The following NAALADL2 variants were observed in gnomAD, a reference collection of about 807,000 sequenced individuals.
NAALADL2 encodes inactive N-acetylated-alpha-linked acidic dipeptidase-like protein 2.
In NAALADL2, 76 loss-of-function variants were observed where a neutral mutation model predicts 87.2. That is an observed-to-expected ratio of 0.87 (90% CI 0.72 to 1.05). NAALADL2 has a LOEUF of 1.05. Among genes scored for constraint, NAALADL2 ranks in the 50% least tolerant of loss-of-function variants. The pLI is 0.00. For missense variants in NAALADL2, 1,089 were observed against 945.8 expected (o/e 1.15, Z -1.99); for synonymous variants, 354 against 331.0 (o/e 1.07, Z -0.75).
intron 10 of NAALADL2, among the ~76,000 whole-genome samples, chr3:175,599,341 A>G (rs1191534460): frequency 6.6e-6 from 1 of 152,118 alleles, no homozygotes; most frequent in African/African-American, 2.4e-5. Flanking sequence ...TAATAATAAT[A>G]GCTAACATTT....
rs1447814459 is a variant in NAALADL2 at position 175,806,262 on chromosome 3, G to C, written c.*3059G>C. The C allele has an allele frequency of 6.6e-6, 1 of 151,728 alleles. No homozygotes were observed. Among genetic ancestry groups the C allele is most frequent in the Non-Finnish European group, 1.5e-5 (1 of 67,854 alleles). The allele number at this position is 151,728 out of a possible 1,614,324, so 9.4% of individuals were successfully genotyped here. ...AAGACTGGGTACTTGAGAGAAAGTG[G>C]GGAGAATCCTTACAGAACACCAGAA... On this transcript the variant is annotated 3_prime_UTR_variant, in exon 14 of 14. Transcript: ENST00000454872.
chr3:174,618,003 T>C (rs1286037741), intron 2 of NAALADL2, among the ~76,000 whole-genome samples: 1 of 151,762 alleles, frequency 6.6e-6, no homozygotes, highest in Non-Finnish European at 1.5e-5. Flanking sequence ...TCTTAAATTG[T>C]AGAAGGAAGA....
chr3:175,785,059 G>T (rs1751731059), intron 13 of NAALADL2, among the ~76,000 whole-genome samples: 1 of 151,118 alleles, frequency 6.6e-6, no homozygotes. Context: ...TTGCACTGTG[G>T]TCTGAGAGAT....
rs1738237834 is a variant in NAALADL2, at chr3:175,191,717, G to T, written c.546-42214G>T. ...GCATTTTGGTTTTATTTTATAGCAA[G>T]CATAGTTTTGGGGAGATAATGTGTA... is the stretch of plus-strand genomic sequence containing the variant. On this transcript the variant is annotated intron_variant, in intron 2 of 13. Transcript: ENST00000454872. 2.6e-5 allele frequency among the ~76,000 whole-genome samples: 4 copies of T among 152,316 alleles called. 1 individual carries two copies. In the South Asian group the frequency reaches 8.3e-4, roughly 32 times the overall value.
chr3:175,629,174 CACAT>C (rs1376542607), intron 11 of NAALADL2, among the ~76,000 whole-genome samples: 2 of 148,006 alleles, frequency 1.4e-5, no homozygotes, highest in Non-Finnish European at 3.0e-5. Context: ...CATATATACA[CACAT>C]ACACACATAA....
intron 4 of NAALADL2, among the ~76,000 whole-genome samples, chr3:175,310,072 G>C (rs1198458485): frequency 1.3e-5 from 2 of 152,156 alleles, no homozygotes; most frequent in Non-Finnish European, 2.9e-5. Flanking sequence ...CTTGCAAGCA[G>C]TGTAAGATTT....
At chr3:174,575,894 T>A (rs2108546857) in intron 2 of NAALADL2, among the ~76,000 whole-genome samples, 1 of 152,286 alleles carries the variant, frequency 6.6e-6, no homozygotes, top group South Asian at 2.1e-4. Context: ...GATGTAATTT[T>A]GCTCTTGTTG....
chr3:175,496,255 T>G (rs1165968893), intron 9 of NAALADL2, among the ~76,000 whole-genome samples: 1 of 152,158 alleles, frequency 6.6e-6, no homozygotes, highest in African/African-American at 2.4e-5. Context: ...AATTATAGTT[T>G]GTTGAGATTT....
intron 9 of NAALADL2, among the ~76,000 whole-genome samples, chr3:175,517,755 A>G (rs1259945324): frequency 6.6e-6 from 1 of 152,078 alleles, no homozygotes; most frequent in East Asian, 1.9e-4. Context: ...AAAGAAAGAT[A>G]AAGGAAAACG....
chr3:174,744,648 T>C (rs2109019004), intron 3 of NAALADL2, among the ~76,000 whole-genome samples: 1 of 152,244 alleles, frequency 6.6e-6, no homozygotes, highest in South Asian at 2.1e-4. Flanking sequence ...AAATATACAT[T>C]CTTCTCAGTG....
rs545442801 is a variant in NAALADL2, at chr3:175,277,134, A to G, written c.939+20604A>G. 6.6e-5 allele frequency among the ~76,000 whole-genome samples: 10 copies of G among 152,298 alleles called. No individual in the cohort carries two copies. In the East Asian group the frequency reaches 1.2e-3, roughly 18 times the overall value. Reference sequence around the variant, plus strand: ...TTTTGTATGTCTTTAATAGACAAATATATGTTTAAATAAAATTGGAATTGG... The same window carrying G: ...TTTTGTATGTCTTTAATAGACAAATGTATGTTTAAATAAAATTGGAATTGG... On this transcript the variant is annotated intron_variant, in intron 4 of 13. Transcript: ENST00000454872.
chr3:175,613,444 G>T (rs193132353), intron 10 of NAALADL2, among the ~76,000 whole-genome samples: 166 of 152,270 alleles, frequency 1.1e-3, no homozygotes, highest in African/African-American at 3.6e-3. Flanking sequence ...ATTATGCATC[G>T]TAGTGTATTT....
At chr3:175,310,328 ATT>A (rs150863058) in intron 4 of NAALADL2, among the ~76,000 whole-genome samples, 4 of 150,668 alleles carry the variant, frequency 2.7e-5, no homozygotes, top group African/African-American at 9.7e-5. Flanking sequence ...TTTAGTCACC[ATT>A]TTTTTTTCTT....
Position 175,526,525 on chromosome 3 carries a change from T to G in NAALADL2, c.1654-49516T>G, listed in dbSNP as rs201759807. ...TAACTGTTGGTTAATTATTTTTTCT[T>G]TCTATAGTATCTGTAGGTCAAAGTG... On this transcript the variant is annotated intron_variant, in intron 9 of 13. Coordinates refer to ENST00000454872, the MANE Select transcript of NAALADL2 (RefSeq NM_207015.3). Among the ~76,000 whole-genome samples, 52 of 152,312 alleles carry G rather than the reference T, an allele frequency of 3.4e-4. 1 individual carries two copies. The East Asian group carries it at 9.8e-3, about 29-fold the overall frequency.
intron 2 of NAALADL2, among the ~76,000 whole-genome samples, chr3:175,125,799 A>T (rs1726863044): frequency 6.6e-6 from 1 of 152,054 alleles, no homozygotes; most frequent in Admixed American, 6.6e-5. Flanking sequence ...AAGTTTTAGA[A>T]TTGTCAGCAT....
chr3:175,733,570 CT>C (rs1225404348), intron 11 of NAALADL2, among the ~76,000 whole-genome samples: 1 of 152,168 alleles, frequency 6.6e-6, no homozygotes, highest in African/African-American at 2.4e-5. Context: ...CATTGCACCC[CT>C]GGCCCCTCCC....
At chr3:175,785,798 C>A (rs1204427075) in intron 13 of NAALADL2, among the ~76,000 whole-genome samples, 98 of 150,772 alleles carry the variant, frequency 6.5e-4, no homozygotes, top group African/African-American at 2.4e-3. Flanking sequence ...TCTTCCTAGT[C>A]TTGATGGTCT....
At chr3:174,794,723 G>A (rs1305166898) in intron 3 of NAALADL2, among the ~76,000 whole-genome samples, 2 of 152,134 alleles carry the variant, frequency 1.3e-5, no homozygotes, top group Admixed American at 6.5e-5. Flanking sequence ...ACACAGGAAT[G>A]TAATGTATAT....
chr3:174,700,579 C>CA (rs568183668), intron 2 of NAALADL2, among the ~76,000 whole-genome samples: 28 of 151,598 alleles, frequency 1.8e-4, no homozygotes, highest in African/African-American at 6.1e-4. Context: ...TTTAGAAAAA[C>CA]AAAAAAAATG....
Sources: gnomAD v4.1 joint callset for allele counts (sites outside exome capture counted in the v4.1 genomes callset) on GRCh38, gnomAD v4.1.1 for gene constraint, MANE v1.5 for transcripts, NCBI Gene and HGNC (gene_info 2026-07-23, HGNC 2026-07-21) for gene names.